The following HGSNAT variants were observed in gnomAD, a reference collection of about 807,000 sequenced individuals.
The protein encoded by HGSNAT is transmembrane protein 76.
A neutral mutation model predicts 85.2 loss-of-function variants in HGSNAT; 59 were observed. The observed-to-expected ratio is 0.69, with a 90% CI of 0.56 to 0.86. HGSNAT has a LOEUF of 0.86. Ranked by LOEUF, HGSNAT falls within the 40% of genes least tolerant of loss-of-function variation. The probability of loss-of-function intolerance (pLI) is 0.00; values close to 1 mark genes in which losing one functional copy is unlikely to be tolerated. For missense variants in HGSNAT, 756 were observed against 777.1 expected (o/e 0.97, Z 0.32); for synonymous variants, 321 against 304.5 (o/e 1.05, Z -0.56).
At chr8:43,167,953 A>G (rs1359180293) in intron 5 of HGSNAT, 1 of 238,976 alleles carries the variant, frequency 4.2e-6, no homozygotes, top group Non-Finnish European at 8.3e-6. Context: ...GAGTCTTGCT[A>G]TGTCACCCAG....
intron 5 of HGSNAT, among the ~76,000 whole-genome samples, chr8:43,163,397 A>C (rs1450663086): frequency 6.6e-6 from 1 of 152,168 alleles, no homozygotes; most frequent in Non-Finnish European, 1.5e-5. Context: ...TGTGAGCCAA[A>C]AAACAACCAG....
rs761500930 is a variant in HGSNAT at position 43,197,895 on chromosome 8, C to T, written c.1669C>T (p.Leu557=). The T allele has an allele frequency of 4.3e-6, 7 of 1,614,006 alleles. No individual in the cohort carries two copies. Among genetic ancestry groups the T allele is most frequent in the Non-Finnish European group, 1.7e-6 (2 of 1,179,880 alleles). The change falls in exon 17 of 18, where the codon CTG becomes TTG. Residue 557 remains leucine, a synonymous_variant. Transcript: ENST00000379644. ...TTTTGCCTTCTTCATCCTGCTGGTC[C>T]TGTACCCAGTTGTGGATGTGAAGGG... The part of the protein sequence containing the change: ...SSFAFFILLV[L]YPVVDVKGLW...
chr8:43,199,106 G>A (rs1804832058), intron 17 of HGSNAT, among the ~76,000 whole-genome samples: 1 of 152,020 alleles, frequency 6.6e-6, no homozygotes, highest in Non-Finnish European at 1.5e-5. Flanking sequence ...TCATCACGTT[G>A]GCCAGGCTGG....
Position 43,173,741 on chromosome 8 carries a change from G to T in HGSNAT, c.849G>T (p.Pro283=). The change falls in exon 9 of 18, where the codon CCG becomes CCT. Residue 283 remains proline (P), a splice_region_variant and synonymous_variant. Coordinates refer to ENST00000379644, the MANE Select transcript of HGSNAT (RefSeq NM_152419.3). ...TGACAGTGGCTGACCTCGTGTTCCC[G>T]TGGTGAGTTGCCGGTCTGCCCTCTT... ...NGLTVADLVF[P]WFVFIMGSSI... 6.2e-7 allele frequency: 1 copy of T among 1,612,294 alleles called. No individual in the cohort carries two copies. The highest frequency in any genetic ancestry group is 8.5e-7 in the Non-Finnish European group (1 of 1,179,130).
At chr8:43,182,422 G>A in intron 11 of HGSNAT, 162 bp downstream of exon 11, 1 of 701,650 alleles carries the variant, frequency 1.4e-6, no homozygotes, top group South Asian at 1.5e-5. Context: ...ACAGGTGTGA[G>A]CCACCATGCC....
intron 14 of HGSNAT, among the ~76,000 whole-genome samples, chr8:43,195,405 A>G (rs1804669911): frequency 6.6e-6 from 1 of 152,236 alleles, no homozygotes; most frequent in South Asian, 2.1e-4. Context: ...GAGAAAATCT[A>G]GTCCTATTCA....
intron 2 of HGSNAT, among the ~76,000 whole-genome samples, chr8:43,151,268 T>A (rs1284794180): frequency 2.0e-5 from 3 of 152,236 alleles, no homozygotes; most frequent in Non-Finnish European, 4.4e-5. Context: ...GATTCTGCAG[T>A]CCAAGTGTCT....
intron 8 of HGSNAT, among the ~76,000 whole-genome samples, chr8:43,172,906 C>T (rs1282431895): frequency 6.6e-6 from 1 of 152,160 alleles, no homozygotes; most frequent in Non-Finnish European, 1.5e-5. Context: ...TTTGGTTTTC[C>T]TGTGTCTAGT....
chr8:43,161,582 C>T (rs576491715), intron 5 of HGSNAT, 75 bp downstream of exon 5: 2 of 1,062,420 alleles, frequency 1.9e-6, no homozygotes, highest in African/African-American at 1.6e-5. Context: ...CAGCTGTCAC[C>T]CTCAAGTGGC....
intron 1 of HGSNAT, among the ~76,000 whole-genome samples, chr8:43,142,468 GTTA>G (rs990628789): frequency 2.0e-5 from 3 of 151,884 alleles, no homozygotes; most frequent in East Asian, 1.9e-4. Context: ...GATACAGACT[GTTA>G]TTATTATTTT....
intron 2 of HGSNAT, among the ~76,000 whole-genome samples, chr8:43,152,926 C>G (rs1354447004): frequency 1.3e-5 from 2 of 151,726 alleles, no homozygotes; most frequent in African/African-American, 4.8e-5. Context: ...TAAATAATTT[C>G]AAAATTCATA....
Position 43,172,354 on chromosome 8 carries a change from A to G in HGSNAT, c.788A>G (p.Lys263Arg). Residue 263 changes from lysine to arginine, a missense_variant, in exon 8 of 18, where the codon AAA (lysine) becomes AGA (arginine). Physicochemically the swap from Lys to Arg is conservative, Grantham distance 26. Coordinates refer to ENST00000379644, the MANE Select transcript of HGSNAT (RefSeq NM_152419.3). ...GTCTTTGTCAATTATGGAGGAGGAA[A>G]ATATTGGTACTTCAAACATGCAAGT... ...LMVFVNYGGG[K>R]YWYFKHASWN... The G allele has an allele frequency of 6.2e-7, 1 of 1,611,768 alleles. No individual in the cohort carries two copies. Among genetic ancestry groups the G allele is most frequent in the African/African-American group, 1.3e-5 (1 of 75,004 alleles).
At chr8:43,182,029 AAG>A in intron 10 of HGSNAT, 114 bp from the exon 11 acceptor site, 1 of 800,044 alleles carries the variant, frequency 1.2e-6, no homozygotes, top group South Asian at 1.5e-5. Context: ...GAGCTTAAAA[AAG>A]ACTTACTTAG....
intron 11 of HGSNAT, among the ~76,000 whole-genome samples, chr8:43,189,276 C>T (rs1804438490): frequency 6.6e-6 from 1 of 152,174 alleles, no homozygotes; most frequent in African/African-American, 2.4e-5. Flanking sequence ...CTGCGGTGGG[C>T]TCCACTCAGT....
At chr8:43,149,365 CTA>C (rs1802818981) in intron 2 of HGSNAT, among the ~76,000 whole-genome samples, 2 of 151,884 alleles carry the variant, frequency 1.3e-5, no homozygotes, top group African/African-American at 4.8e-5. Flanking sequence ...AAAATTATGT[CTA>C]GACATAAACT....
At chr8:43,164,140 G>C (rs1803355041) in intron 5 of HGSNAT, among the ~76,000 whole-genome samples, 2 of 152,286 alleles carry the variant, frequency 1.3e-5, no homozygotes, top group South Asian at 4.1e-4. Context: ...GTTTTTGCAT[G>C]AAATGATATG....
At chr8:43,181,758 G>A in intron 10 of HGSNAT, 1 of 191,972 alleles carries the variant, frequency 5.2e-6, no homozygotes, top group Non-Finnish European at 1.1e-5. Flanking sequence ...GGCTTGTGTT[G>A]GGCCTGCAAG....
At chr8:43,144,182 G>A (rs1279008621) in intron 1 of HGSNAT, among the ~76,000 whole-genome samples, 2 of 151,826 alleles carry the variant, frequency 1.3e-5, no homozygotes, top group African/African-American at 4.8e-5. Context: ...AAAATTAGCT[G>A]GATGTGCTGG....
At chr8:43,184,241 C>T (rs10097096) in intron 11 of HGSNAT, among the ~76,000 whole-genome samples, 107,015 of 146,586 alleles carry the variant, frequency 0.73, 41,070 homozygotes, top group Non-Finnish European at 0.87. Flanking sequence ...AACTAGTTTA[C>T]GGTCCCACCA....
Sources: allele counts gnomAD v4.1 joint callset (sites outside exome capture counted in the v4.1 genomes callset), GRCh38; gene constraint gnomAD v4.1.1; transcripts MANE v1.5; gene names NCBI Gene and HGNC (gene_info 2026-07-23, HGNC 2026-07-21).